Variants in SLITRK3 observed in about 807,000 individuals in gnomAD.
The protein encoded by SLITRK3 is SLIT and NTRK like family member 3.
In SLITRK3, 16 loss-of-function variants were observed where a neutral mutation model predicts 63.6. The observed-to-expected ratio is 0.25, with a 90% CI of 0.17 to 0.38. The LOEUF is 0.38. SLITRK3 is among the 10% of genes least tolerant of loss of function. The probability of loss-of-function intolerance (pLI) is 1.00; values close to 1 mark genes in which losing one functional copy is unlikely to be tolerated. For missense variants in SLITRK3, 1,117 were observed against 1,181.4 expected (o/e 0.95, Z 0.80); for synonymous variants, 547 against 451.6 (o/e 1.21, Z -2.68).
At position 165,188,898 on chromosome 3, in the gene SLITRK3, A is replaced by T; in HGVS notation, c.1933T>A (p.Ser645Thr). The stretch of plus-strand genomic sequence containing the variant: ...AGTGGCACAGGGCCCCCAGGAGGAG[A>T]AAACTCATAAGGTGATGCACTGGTT... Reference protein sequence around the residue: ...APTSASPYEFSPPGGPVPLSV... With the variant: ...APTSASPYEFTPPGGPVPLSV... Residue 645 changes from serine (S) to threonine (T), a missense_variant, in exon 2 of 2, where the codon TCT becomes ACT. Physicochemically the swap from Ser to Thr is moderately conservative, Grantham distance 58. Transcript: ENST00000475390. 6.2e-7 allele frequency: 1 copy of T among 1,614,158 alleles called. No individual in the cohort carries two copies. Among genetic ancestry groups the T allele is most frequent in the East Asian group, 2.2e-5 (1 of 44,864 alleles).
chr3:165,192,370 G>T (rs1433294601), intron 1 of SLITRK3, among the ~76,000 whole-genome samples: 1 of 152,124 alleles, frequency 6.6e-6, no homozygotes, highest in Non-Finnish European at 1.5e-5. Flanking sequence ...GTATCAATTA[G>T]TCTTCCATCT....
Position 165,189,979 on chromosome 3 carries a change from C to G in SLITRK3, c.852G>C (p.Leu284Phe). 1 of 1,614,122 alleles carries G rather than the reference C, an allele frequency of 6.2e-7. No individual in the cohort carries two copies. Among genetic ancestry groups the G allele is most frequent in the Non-Finnish European group, 8.5e-7 (1 of 1,180,030 alleles). The part of the protein sequence containing the change: ...EIRKTELCPL[L>F]SDSEVEASLG... ...AACTAGCCTCTACCTCAGAGTCAGA[C>G]AACAAGGGACAGAGTTCTGTCTTCC... Residue 284 changes from leucine to phenylalanine, a missense_variant, in exon 2 of 2, where the codon TTG (leucine) becomes TTC (phenylalanine). Physicochemically the swap from Leu to Phe is conservative, Grantham distance 22. Around this residue, in one of 4 missense-constraint regions of SLITRK3, gnomAD observed 452 missense variants for 495.3 expected, o/e 0.91. Transcript: ENST00000475390. This position sits in a 1 kb window ranked among gnomAD's most constrained non-coding sequence, Gnocchi z 4.0.
In SLITRK3 at chr3:165,188,299, A is replaced by G. The variant is rs765731720; in HGVS notation, c.2532T>C (p.Gly844=). Residue 844 remains glycine (G), a synonymous_variant, in exon 2 of 2, where the codon GGT becomes GGC. Coordinates refer to ENST00000475390, the MANE Select transcript of SLITRK3 (RefSeq NM_001318810.2). The part of the protein sequence containing the change: ...NHHHPHHPAV[G]GVSGVVGGTG... ...TTCCCCCAACTACTCCTGAAACCCC[A>G]CCAACTGCTGGGTGGTGAGGGTGAT... 61 of 1,613,676 alleles carry G rather than the reference A, an allele frequency of 3.8e-5. No individual in the cohort carries two copies. Among genetic ancestry groups the G allele is most frequent in the Non-Finnish European group, 4.9e-5 (58 of 1,179,964 alleles).
In SLITRK3 at chr3:165,188,278, C is replaced by G. The variant is rs771945894; in HGVS notation, c.2553G>C (p.Gly851=). The change falls in exon 2 of 2, where the codon GGG becomes GGC. Residue 851 remains glycine, a synonymous_variant. Coordinates refer to ENST00000475390, the MANE Select transcript of SLITRK3 (RefSeq NM_001318810.2). The part of the protein sequence containing the change: ...PAVGGVSGVV[G]GTGGDLAGFR... ...ACCCTGCCAAGTCTCCCCCAGTTCC[C>G]CCAACTACTCCTGAAACCCCACCAA... 1 of 1,613,616 alleles carries G rather than the reference C, an allele frequency of 6.2e-7. No homozygotes were observed. The highest frequency in any genetic ancestry group is 1.3e-5 in the African/African-American group (1 of 74,824).
rs371172994 is a variant in SLITRK3 at position 165,187,683 on chromosome 3, G to T, written c.*214C>A. 2 of 428,760 alleles carry T rather than the reference G, an allele frequency of 4.7e-6. No homozygotes were observed. Among genetic ancestry groups the T allele is most frequent in the Non-Finnish European group, 8.3e-6 (2 of 242,264 alleles). 26.6% of individuals were successfully genotyped at this position (428,760 alleles called of 1,614,324 possible). A position where few individuals can be genotyped will look rare whatever the true frequency, so the allele number is the denominator to read the frequency against. On this transcript the variant is annotated 3_prime_UTR_variant, in exon 2 of 2. Coordinates refer to ENST00000475390, the MANE Select transcript of SLITRK3 (RefSeq NM_001318810.2). ...TGCGAAGGCACTTTCATTGATTAATGATCTGAGTATGGCCCTTCCTCCAAA... is the reference window on the plus strand; with the variant it reads ...TGCGAAGGCACTTTCATTGATTAATTATCTGAGTATGGCCCTTCCTCCAAA...
In SLITRK3 at chr3:165,188,446, C is replaced by A. The variant is rs768432794; in HGVS notation, c.2385G>T (p.Glu795Asp). 2.6e-5 allele frequency: 42 copies of A among 1,613,748 alleles called. No individual in the cohort carries two copies. In the East Asian group the frequency reaches 8.5e-4, roughly 33 times the overall value. The part of the protein sequence containing the change: ...PGMGEALLGS[E>D]QFAETPKENH... ...TCTCCTTGGGTGTCTCAGCAAACTG[C>A]TCACTTCCTAGGAGAGCCTCACCCA... The change falls in exon 2 of 2, where the codon GAG (glutamate) becomes GAT (aspartate). Residue 795 changes from glutamate to aspartate, a missense_variant. Around this residue, in one of 4 missense-constraint regions of SLITRK3, gnomAD observed 499 missense variants for 463.6 expected, o/e 1.08. Transcript: ENST00000475390.
rs1011182609 is a variant in SLITRK3, at chr3:165,189,625, T to C, written c.1206A>G (p.Glu402=). The change falls in exon 2 of 2, where the codon GAA becomes GAG. Residue 402 remains glutamate (E), a synonymous_variant. Coordinates refer to ENST00000475390, the MANE Select transcript of SLITRK3 (RefSeq NM_001318810.2). This position sits in a 1 kb window ranked among gnomAD's most constrained non-coding sequence, Gnocchi z 4.0. ...TGGCATTCAAGGGCCTTGGAAGAAGTTCAGAAATGTTATTAAATCCTCGCT... is the reference window on the plus strand; with the variant it reads ...TGGCATTCAAGGGCCTTGGAAGAAGCTCAGAAATGTTATTAAATCCTCGCT... The part of the protein sequence containing the change: ...CKERGFNNIS[E]LLPRPLNAKK... 2.5e-6 allele frequency: 4 copies of C among 1,614,140 alleles called. No homozygotes were observed. In the Admixed American group the frequency reaches 6.7e-5, roughly 27 times the overall value.
chr3:165,189,076 C>A lies in SLITRK3; in HGVS notation c.1755G>T (p.Val585=). Reference sequence around the variant, plus strand: ...GGCTCCTGCAAAGCACATCACCAACCACACTGACTGAGCTGATGGTTTCGA... The same window carrying A: ...GGCTCCTGCAAAGCACATCACCAACAACACTGACTGAGCTGATGGTTTCGA... ...QWIETISSVS[V]VGDVLCRSPE... Residue 585 remains valine (V), a synonymous_variant, in exon 2 of 2, where the codon GTG becomes GTT. Coordinates refer to ENST00000475390, the MANE Select transcript of SLITRK3 (RefSeq NM_001318810.2). The surrounding 1 kb of genome is among the most constrained non-coding windows in gnomAD (Gnocchi z 4.0). 1 of 1,614,172 alleles carries A rather than the reference C, an allele frequency of 6.2e-7. No homozygotes were observed. Among genetic ancestry groups the A allele is most frequent in the Non-Finnish European group, 8.5e-7 (1 of 1,180,036 alleles).
chr3:165,192,013 T>C (rs1718247333), intron 1 of SLITRK3, among the ~76,000 whole-genome samples: 2 of 152,224 alleles, frequency 1.3e-5, no homozygotes, highest in Admixed American at 1.3e-4. Context: ...TAAATGATAA[T>C]AATGCAGTTT....
In SLITRK3 at chr3:165,187,934, T is replaced by C. The variant is rs779809122; in HGVS notation, c.2897A>G (p.Tyr966Cys). The C allele has an allele frequency of 6.2e-7, 1 of 1,613,984 alleles. No individual in the cohort carries two copies. Among genetic ancestry groups the C allele is most frequent in the Non-Finnish European group, 8.5e-7 (1 of 1,179,960 alleles). Residue 966 changes from tyrosine (Y) to cysteine (C), a missense_variant, in exon 2 of 2, where the codon TAC (tyrosine) becomes TGC (cysteine). Transcript: ENST00000475390. ...LRAKLQTKPD[Y>C]LEVLEKTTYR... Reference sequence around the variant, plus strand: ...TGTTGTCTTCTCCAGGACTTCGAGGTAATCCGGCTTGGTTTGAAGTTTGGC... The same window carrying C: ...TGTTGTCTTCTCCAGGACTTCGAGGCAATCCGGCTTGGTTTGAAGTTTGGC...
chr3:165,191,508 T>C (rs1172132545), intron 1 of SLITRK3, among the ~76,000 whole-genome samples: 1 of 152,222 alleles, frequency 6.6e-6, no homozygotes, highest in Non-Finnish European at 1.5e-5. Context: ...ACACTATATG[T>C]CCACATCTTC....
chr3:165,190,359 A>C lies in SLITRK3; in HGVS notation c.472T>G (p.Tyr158Asp). The change falls in exon 2 of 2, where the codon TAC becomes GAC. Residue 158 changes from tyrosine (Y) to aspartate (D), a missense_variant. Tyr to Asp is a radical substitution (Grantham distance 160). Coordinates refer to ENST00000475390, the MANE Select transcript of SLITRK3 (RefSeq NM_001318810.2). Reference protein sequence around the residue: ...LESLEYLQADYNVIKRIESGA... With the variant: ...LESLEYLQADDNVIKRIESGA... ...CTCTCAATACGTTTAATGACATTGT[A>C]ATCTGCCTGCAGATATTCTAGACTT... 6.2e-7 allele frequency: 1 copy of C among 1,614,166 alleles called. No homozygotes were observed. Among genetic ancestry groups the C allele is most frequent in the Non-Finnish European group, 8.5e-7 (1 of 1,180,024 alleles).
chr3:165,196,416 C>T (rs374492563), upstream of SLITRK3, among the ~76,000 whole-genome samples: 454 of 106,344 alleles, frequency 4.3e-3, 2 homozygotes, highest in African/African-American at 0.017. Context: ...CCTCACTTCT[C>T]GAGCGGGAGA....
intron 1 of SLITRK3, 67 bp from the exon 2 acceptor site, chr3:165,190,918 C>T: frequency 8.8e-7 from 1 of 1,132,766 alleles, no homozygotes; most frequent in South Asian, 1.8e-5. Flanking sequence ...TTGACTCCTA[C>T]ATGTGGGGCA....
At position 165,193,970 on chromosome 3, in the gene SLITRK3, T is replaced by A. The variant is rs150351203; in HGVS notation, c.-22+1610A>T. 2.3e-4 allele frequency among the ~76,000 whole-genome samples: 35 copies of A among 152,230 alleles called. No homozygotes were observed. In the East Asian group the frequency reaches 5.6e-3, roughly 24 times the overall value. ...CAGTTCAGGAACGCTTTCAGAGGAA[T>A]TTTTTTAAGGCTCAGCTGACAGCAC... On this transcript the variant is annotated intron_variant, in intron 1 of 1. Coordinates refer to ENST00000475390, the MANE Select transcript of SLITRK3 (RefSeq NM_001318810.2).
chr3:165,190,612 G>A lies in SLITRK3; in HGVS notation c.219C>T (p.Thr73=), dbSNP rs535544257. The change falls in exon 2 of 2, where the codon ACC becomes ACT. Residue 73 remains threonine (T), a synonymous_variant. Coordinates refer to ENST00000475390, the MANE Select transcript of SLITRK3 (RefSeq NM_001318810.2). The part of the protein sequence containing the change: ...SKGFTNISQI[T]EFWSRPFKLY... ...GTTTAAAAGGTCTTGACCAGAACTC[G>A]GTAATCTGACTAATATTTGTAAATC... The A allele has an allele frequency of 2.4e-5, 39 of 1,613,678 alleles. No homozygotes were observed. The highest frequency in any genetic ancestry group is 1.5e-4 in the Admixed American group (9 of 59,960).
intron 1 of SLITRK3, among the ~76,000 whole-genome samples, chr3:165,191,897 TC>T (rs1460844113): frequency 6.6e-6 from 1 of 152,240 alleles, no homozygotes; most frequent in Non-Finnish European, 1.5e-5. Flanking sequence ...AAGATATCAT[TC>T]TTTTCCAATC....
chr3:165,190,947 A>G, intron 1 of SLITRK3, 96 bp from the exon 2 acceptor site: 1 of 842,896 alleles, frequency 1.2e-6, no homozygotes, highest in Non-Finnish European at 1.8e-6. Flanking sequence ...GCTATATAAA[A>G]ACTTCAGCAA....
At chr3:165,192,452 C>G (rs937666890) in intron 1 of SLITRK3, among the ~76,000 whole-genome samples, 3 of 151,886 alleles carry the variant, frequency 2.0e-5, no homozygotes, top group Non-Finnish European at 2.9e-5. Context: ...TTTTTCAGGT[C>G]CCTATGGTTT....
Sources: allele counts gnomAD v4.1 joint callset (sites outside exome capture counted in the v4.1 genomes callset), GRCh38; gene constraint gnomAD v4.1.1; regional missense constraint gnomAD v4.1.1; non-coding constraint Gnocchi (gnomAD v3.1); transcripts MANE v1.5; gene names NCBI Gene and HGNC (gene_info 2026-07-23, HGNC 2026-07-21).